The following OR51B5 variants were observed in gnomAD, a reference collection of about 807,000 sequenced individuals.
OR51B5 encodes olfactory receptor family 51 subfamily B member 5, also known as olfactory receptor 51B5.
For missense variants in OR51B5, 456 were observed against 374.6 expected, an observed-to-expected ratio of 1.22 and a Z score of -1.79; for synonymous variants, 186 against 144.8, an observed-to-expected ratio of 1.28 and a Z score of -2.04.
intron 1 of OR51B5, among the ~76,000 whole-genome samples, chr11:5,413,363 C>A (rs1018113657): frequency 6.6e-6 from 1 of 152,124 alleles, no homozygotes; most frequent in Non-Finnish European, 1.5e-5. Flanking sequence ...ACTGGAAACT[C>A]TAAAAAGCAG....
chr11:5,340,936 A>T (rs1451549163), downstream of OR51B5: 2 of 152,052 alleles, frequency 1.3e-5, no homozygotes, highest in South Asian at 2.1e-4. Flanking sequence ...CAGGACAAAA[A>T]CCTACCATCA....
At chr11:5,490,473 C>G (rs940958111) in intron 1 of OR51B5, among the ~76,000 whole-genome samples, 1 of 152,114 alleles carries the variant, frequency 6.6e-6, no homozygotes, top group African/African-American at 2.4e-5. Context: ...ATTTTGAGGT[C>G]TCTTTCCTTT....
chr11:5,492,532 G>T (rs1851595949), intron 1 of OR51B5, among the ~76,000 whole-genome samples: 1 of 151,970 alleles, frequency 6.6e-6, no homozygotes, highest in Admixed American at 6.6e-5. Context: ...AACTTAATTG[G>T]TCCCTTTCTC....
At chr11:5,349,299 A>G (rs1378494818) in intron 1 of OR51B5, among the ~76,000 whole-genome samples, 1 of 152,208 alleles carries the variant, frequency 6.6e-6, no homozygotes, top group African/African-American at 2.4e-5. Context: ...TGAGGTGTAT[A>G]TAATGCCCCA....
chr11:5,411,746 T>A lies in OR51B5; in HGVS notation n.85-64836A>T, dbSNP rs118167123. On this transcript the variant is annotated intron_variant and non_coding_transcript_variant, in intron 1 of 4. Transcript: ENST00000415970. ...CCTGCATAATCAAGTGAGCCCAACA[T>A]AATCACTAGTGTCCTTTGAAGGGAA... 4.7e-3 allele frequency among the ~76,000 whole-genome samples: 711 copies of A among 152,264 alleles called. 5 individuals are homozygous for A. The highest frequency in any genetic ancestry group is 0.015 in the African/African-American group (605 of 41,546).
intron 1 of OR51B5, among the ~76,000 whole-genome samples, chr11:5,470,933 A>C (rs958364185): frequency 1.3e-5 from 2 of 152,192 alleles, no homozygotes; most frequent in Non-Finnish European, 2.9e-5. Context: ...ATATAAAGTG[A>C]TGTTACTCTT....
At chr11:5,446,999 C>T (rs1032768891) in intron 1 of OR51B5, among the ~76,000 whole-genome samples, 4 of 152,094 alleles carry the variant, frequency 2.6e-5, no homozygotes, top group African/African-American at 9.7e-5. Context: ...AACAGAATCT[C>T]TACTCCCTAG....
At chr11:5,392,335 C>T (rs901794281) in intron 1 of OR51B5, 9 of 152,068 alleles carry the variant, frequency 5.9e-5, no homozygotes, top group East Asian at 3.9e-4. Context: ...ATAGCAGTTC[C>T]GAGACTTAGA....
chr11:5,404,972 C>A (rs1383092604), intron 1 of OR51B5, among the ~76,000 whole-genome samples: 2 of 152,176 alleles, frequency 1.3e-5, no homozygotes, highest in African/African-American at 4.8e-5. Flanking sequence ...GTAACAATCA[C>A]CTTGAGGGTC....
At chr11:5,431,424 G>A in intron 1 of OR51B5, 1 of 222,204 alleles carries the variant, frequency 4.5e-6, no homozygotes, top group South Asian at 7.9e-5. Flanking sequence ...TAAGTACATG[G>A]GCTCATGTAG....
upstream of OR51B5, among the ~76,000 whole-genome samples, chr11:5,348,055 A>G (rs372684500): frequency 0.03 from 4,552 of 152,232 alleles, 227 homozygotes; most frequent in African/African-American, 0.1. Context: ...AAGGCAAAAA[A>G]AAAACAGAGA....
intron 1 of OR51B5, among the ~76,000 whole-genome samples, chr11:5,408,123 C>T (rs1460579719): frequency 6.6e-6 from 1 of 152,078 alleles, no homozygotes; most frequent in African/African-American, 2.4e-5. Context: ...ACAGCAATAT[C>T]AAATATCTTT....
At chr11:5,477,352 C>A (rs571508535) in intron 1 of OR51B5, among the ~76,000 whole-genome samples, 1 of 152,178 alleles carries the variant, frequency 6.6e-6, no homozygotes, top group Admixed American at 6.5e-5. Context: ...AGTGGGGAAC[C>A]AGTGGGCACC....
intron 1 of OR51B5, among the ~76,000 whole-genome samples, chr11:5,436,732 C>T (rs181435777): frequency 6.6e-6 from 1 of 152,294 alleles, no homozygotes; most frequent in Admixed American, 6.5e-5. Flanking sequence ...CTCAAAGATA[C>T]AGAGGCATGA....
At chr11:5,396,617 G>A (rs912139324) in intron 1 of OR51B5, among the ~76,000 whole-genome samples, 1 of 151,898 alleles carries the variant, frequency 6.6e-6, no homozygotes, top group Non-Finnish European at 1.5e-5. Flanking sequence ...TCGTGAAAAT[G>A]GCCATACTGC....
upstream of OR51B5, among the ~76,000 whole-genome samples, chr11:5,345,563 T>C (rs928575483): frequency 6.6e-6 from 1 of 152,150 alleles, no homozygotes; most frequent in African/African-American, 2.4e-5. Flanking sequence ...TATTCACTTG[T>C]GAGGAAATCA....
chr11:5,411,456 AC>A (rs1850148112), intron 1 of OR51B5, among the ~76,000 whole-genome samples: 2 of 135,374 alleles, frequency 1.5e-5, no homozygotes, highest in African/African-American at 5.3e-5. Flanking sequence ...CTCAGGACAT[AC>A]CCCTGTTGCT....
chr11:5,446,385 C>A (rs2133780464), intron 1 of OR51B5, among the ~76,000 whole-genome samples: 1 of 151,888 alleles, frequency 6.6e-6, no homozygotes, highest in African/African-American at 2.4e-5. Flanking sequence ...CTGTGAAATT[C>A]TTTCAAGTTT....
intron 1 of OR51B5, among the ~76,000 whole-genome samples, chr11:5,465,531 G>A (rs1199884714): frequency 6.6e-6 from 1 of 151,266 alleles, no homozygotes; most frequent in Non-Finnish European, 1.5e-5. Flanking sequence ...CAAAGCTGGA[G>A]GCATCACACT....
Sources: allele counts gnomAD v4.1 joint callset (sites outside exome capture counted in the v4.1 genomes callset), GRCh38; gene constraint gnomAD v4.1.1; transcripts MANE v1.5; gene names NCBI Gene and HGNC (gene_info 2026-07-23, HGNC 2026-07-21).